The following SNX24 variants were observed in gnomAD, a reference collection of about 807,000 sequenced individuals.
SNX24 encodes sorting nexin 24.
Under a neutral mutation model 28.7 loss-of-function variants are expected in SNX24, and 22 were observed. The ratio of observed to expected loss-of-function variants is 0.77; its 90% CI spans 0.55 to 1.10. SNX24 has a LOEUF of 1.10. SNX24 is among the 50% of genes least tolerant of loss of function. The pLI is 0.00. For missense variants in SNX24, 221 were observed against 201.1 expected (o/e 1.10, Z -0.60); for synonymous variants, 69 against 71.5 (o/e 0.96, Z 0.18).
At chr5:122,994,895 G>A (rs1001198009) in intron 3 of SNX24, among the ~76,000 whole-genome samples, 3 of 152,084 alleles carry the variant, frequency 2.0e-5, no homozygotes, top group Non-Finnish European at 4.4e-5. Context: ...CTATTGCCCA[G>A]TTTTACTGTT....
chr5:122,905,466 T>G (rs879701984), intron 1 of SNX24, among the ~76,000 whole-genome samples: 7 of 152,172 alleles, frequency 4.6e-5, no homozygotes, highest in Non-Finnish European at 7.4e-5. Flanking sequence ...TCCAAAAAAT[T>G]TATACAGGTT....
intron 3 of SNX24, among the ~76,000 whole-genome samples, chr5:122,978,598 T>G (rs1031360246): frequency 2.0e-5 from 3 of 152,218 alleles, no homozygotes; most frequent in African/African-American, 7.2e-5. Context: ...ATTGAGGGCT[T>G]TTATACAGTA....
chr5:122,986,882 G>GGGAT (rs1008548098), intron 3 of SNX24, among the ~76,000 whole-genome samples: 7 of 151,822 alleles, frequency 4.6e-5, no homozygotes, highest in African/African-American at 1.7e-4. Context: ...GATGGATGGA[G>GGGAT]GGATGGATGG....
chr5:122,846,000 G>C lies in SNX24; in HGVS notation c.60+307G>C, dbSNP rs376232870. On this transcript the variant is annotated intron_variant, in intron 1 of 6. Coordinates refer to ENST00000261369, the MANE Select transcript of SNX24 (RefSeq NM_014035.4). ...CGCCCGCCTTCGGGAGCCCAGGATG[G>C]GCTGCGTTCCTTTCTGGCACAGCTG... Among the ~76,000 whole-genome samples the C allele has an allele frequency of 1.6e-4, 24 of 152,310 alleles. No homozygotes were observed. The East Asian group carries it at 4.5e-3, about 28-fold the overall frequency.
At chr5:123,022,017 C>T (rs926609858) in intron 5 of SNX24, among the ~76,000 whole-genome samples, 2 of 152,136 alleles carry the variant, frequency 1.3e-5, no homozygotes, top group African/African-American at 2.4e-5. Flanking sequence ...GCTTCTCTCC[C>T]GGCCTCTCTG....
chr5:122,895,966 T>C (rs1358696554), intron 1 of SNX24, among the ~76,000 whole-genome samples: 1 of 152,132 alleles, frequency 6.6e-6, no homozygotes, highest in Non-Finnish European at 1.5e-5. Context: ...CTGGCCAACA[T>C]GGTGAAACCC....
At chr5:123,006,055 G>A (rs1762412762) in intron 6 of SNX24, among the ~76,000 whole-genome samples, 1 of 152,176 alleles carries the variant, frequency 6.6e-6, no homozygotes, top group Admixed American at 6.5e-5. Context: ...TTTCACAGTT[G>A]AGGAAAGAGA....
chr5:122,986,089 A>G (rs1161831575), intron 3 of SNX24, among the ~76,000 whole-genome samples: 1 of 152,198 alleles, frequency 6.6e-6, no homozygotes, highest in Non-Finnish European at 1.5e-5. Flanking sequence ...GAGAGAAAGG[A>G]AGCAGATGGG....
intron 1 of SNX24, among the ~76,000 whole-genome samples, chr5:122,898,546 A>G (rs1462076905): frequency 6.6e-6 from 1 of 152,202 alleles, no homozygotes; most frequent in Non-Finnish European, 1.5e-5. Context: ...GTGTATAGGC[A>G]GAGCTCAGAT....
chr5:122,996,259 G>A (rs550913380), intron 3 of SNX24, among the ~76,000 whole-genome samples: 32 of 152,294 alleles, frequency 2.1e-4, no homozygotes, highest in African/African-American at 6.3e-4. Flanking sequence ...GAAGGCCAGC[G>A]TGTCCTTTGG....
intron 3 of SNX24, among the ~76,000 whole-genome samples, chr5:122,981,648 C>A (rs1761396382): frequency 6.6e-6 from 1 of 151,738 alleles, no homozygotes; most frequent in Non-Finnish European, 1.5e-5. Flanking sequence ...TTTAAAAAAT[C>A]AAATACATGT....
chr5:122,848,106 A>G (rs1288862298), intron 1 of SNX24, among the ~76,000 whole-genome samples: 2 of 151,944 alleles, frequency 1.3e-5, no homozygotes, highest in African/African-American at 4.8e-5. Context: ...TGTTTGTGTG[A>G]ATGTGTGTTT....
At chr5:122,957,324 C>A (rs1344169384) in intron 3 of SNX24, among the ~76,000 whole-genome samples, 1 of 152,082 alleles carries the variant, frequency 6.6e-6, no homozygotes, top group African/African-American at 2.4e-5. Context: ...ACCGTTGGAC[C>A]ATATATATGA....
intron 1 of SNX24, among the ~76,000 whole-genome samples, chr5:122,908,168 A>G (rs1024309654): frequency 1.3e-5 from 2 of 152,262 alleles, no homozygotes; most frequent in African/African-American, 4.8e-5. Context: ...ACGGGGAGCA[A>G]AATGTCATCA....
intron 3 of SNX24, among the ~76,000 whole-genome samples, chr5:122,970,503 C>T (rs893303622): frequency 3.3e-5 from 5 of 152,168 alleles, no homozygotes; most frequent in African/African-American, 9.6e-5. Context: ...GAGTCTCGCT[C>T]TGTCGCCCAG....
intron 5 of SNX24, among the ~76,000 whole-genome samples, chr5:123,028,067 G>A (rs1025760486): frequency 1.3e-5 from 2 of 152,170 alleles, no homozygotes; most frequent in Non-Finnish European, 2.9e-5. Flanking sequence ...TTGGTTCCCA[G>A]CTTTGTCCAA....
At chr5:122,911,349 A>T (rs1171410921) in intron 1 of SNX24, among the ~76,000 whole-genome samples, 3 of 151,998 alleles carry the variant, frequency 2.0e-5, no homozygotes, top group African/African-American at 7.3e-5. Context: ...GTTTGAGTTC[A>T]TTGTAGATTC....
chr5:122,895,676 G>A lies in SNX24; in HGVS notation c.61-41058G>A, dbSNP rs79370207. 3.5e-3 allele frequency among the ~76,000 whole-genome samples: 533 copies of A among 152,306 alleles called. 5 individuals are homozygous for A. Among genetic ancestry groups the A allele is most frequent in the African/African-American group, 0.012 (507 of 41,558 alleles). ...GCAGCTGCTGCTTCTCCAGGCCAGCGTGCCCTGTGTCAGCAGTCGTCCCTG... is the reference window on the plus strand; with the variant it reads ...GCAGCTGCTGCTTCTCCAGGCCAGCATGCCCTGTGTCAGCAGTCGTCCCTG... On this transcript the variant is annotated intron_variant, in intron 1 of 6. Coordinates refer to ENST00000261369, the MANE Select transcript of SNX24 (RefSeq NM_014035.4).
At chr5:122,848,034 TAAG>T (rs1437967745) in intron 1 of SNX24, among the ~76,000 whole-genome samples, 6 of 152,186 alleles carry the variant, frequency 3.9e-5, no homozygotes, top group African/African-American at 1.4e-4. Flanking sequence ...GTTTCCTAAA[TAAG>T]AAGCTTGTAA....
Sources: gnomAD v4.1 joint callset for allele counts (sites outside exome capture counted in the v4.1 genomes callset) on GRCh38, gnomAD v4.1.1 for gene constraint, MANE v1.5 for transcripts, NCBI Gene and HGNC (gene_info 2026-07-23, HGNC 2026-07-21) for gene names.